ANO3: variants seen among roughly 807,000 people sequenced by gnomAD.
ANO3 encodes the protein anoctamin-3.
ANO3 carries 99 observed loss-of-function variants against 144.8 expected under a neutral mutation model. The observed-to-expected ratio is 0.68, with a 90% CI of 0.58 to 0.81. The LOEUF is 0.81. ANO3 is among the 30% of genes least tolerant of loss of function. ANO3 has a pLI of 0.00. For synonymous variants in ANO3, 414 were observed against 392.6 expected (o/e 1.05, Z -0.64); for missense variants, 905 against 1,202.2 (o/e 0.75, Z 3.66).
chr11:26,661,300 TC>T lies in ANO3; in HGVS notation c.*857del, dbSNP rs1253865918. 6.6e-6 allele frequency: 1 copy of T among 152,586 alleles called. No individual in the cohort carries two copies. Among genetic ancestry groups the T allele is most frequent in the Non-Finnish European group, 1.5e-5 (1 of 68,026 alleles). The allele number at this position is 152,586 out of a possible 1,614,324, so 9.5% of individuals were successfully genotyped here. ...CTGTTTTATAGTTTATTTAATTTTT[TC>T]TCTATGATTTATTACAACTCTCACG... On this transcript the variant is annotated 3_prime_UTR_variant, in exon 27 of 27. Coordinates refer to ENST00000256737, the MANE Select transcript of ANO3 (RefSeq NM_031418.4).
intron 1 of ANO3, among the ~76,000 whole-genome samples, chr11:26,278,134 G>T (rs1190108932): frequency 6.6e-6 from 1 of 152,008 alleles, no homozygotes; most frequent in Non-Finnish European, 1.5e-5. Flanking sequence ...TGCTTCCGGT[G>T]CTATTTATTT....
At chr11:26,561,514 G>A (rs423207) in intron 14 of ANO3, among the ~76,000 whole-genome samples, 111,444 of 151,824 alleles carry the variant, frequency 0.73, 41,169 homozygotes, top group Admixed American at 0.8. Context: ...ATAAAGAAGT[G>A]TAGACCATAC....
At position 26,388,188 on chromosome 11, in the gene ANO3, G is replaced by A. The variant is rs555548325; in HGVS notation, c.47-53730G>A. On this transcript the variant is annotated intron_variant, in intron 1 of 26. Coordinates refer to ENST00000256737, the MANE Select transcript of ANO3 (RefSeq NM_031418.4). ...TTTTGTCCCCAAAATTATATTTATG[G>A]TCTATTATGTCCTATAAACCCAGAA... 1.3e-4 allele frequency among the ~76,000 whole-genome samples: 19 copies of A among 149,042 alleles called. 1 individual carries two copies. The South Asian group carries it at 3.4e-3, about 27-fold the overall frequency.
rs558035003 is a variant in ANO3, at chr11:26,218,274, A to G, written c.154+28944A>G. 3.9e-5 allele frequency among the ~76,000 whole-genome samples: 6 copies of G among 152,230 alleles called. No individual in the cohort carries two copies. The South Asian group carries it at 6.2e-4, about 16-fold the overall frequency. On this transcript the variant is annotated intron_variant, in intron 1 of 27. Coordinates refer to the ANO3 transcript ENST00000672621. ...AATGAAGAATGACCAGAGAAATGACATGGTAGCTGTGCTTAGTAGTATTAA... is the reference window on the plus strand; with the variant it reads ...AATGAAGAATGACCAGAGAAATGACGTGGTAGCTGTGCTTAGTAGTATTAA...
At chr11:26,508,795 C>T (rs958256464) in intron 5 of ANO3, 1 of 150,726 alleles carries the variant, frequency 6.6e-6, no homozygotes, top group African/African-American at 2.4e-5. Flanking sequence ...TAAAAAAAAA[C>T]TCACTATTTT....
At position 26,546,046 on chromosome 11, in the gene ANO3, C is replaced by T. The variant is rs186859494; in HGVS notation, c.1155-1370C>T. ...ATCATACTGATATAGATAATACTGT[C>T]TATATCAGCTGATTTGTCTGTGCAA... On this transcript the variant is annotated intron_variant, in intron 11 of 26. Transcript: ENST00000256737. Among the ~76,000 whole-genome samples, 4 of 151,912 alleles carry T rather than the reference C, an allele frequency of 2.6e-5. No homozygotes were observed. The East Asian group carries it at 5.8e-4, about 22-fold the overall frequency.
intron 14 of ANO3, among the ~76,000 whole-genome samples, chr11:26,577,703 G>A (rs1851026182): frequency 1.3e-5 from 2 of 152,152 alleles, no homozygotes; most frequent in Admixed American, 1.3e-4. Flanking sequence ...CTATGTTAAT[G>A]TGCATGAGTA....
In ANO3 at chr11:26,633,296, G is replaced by T. The variant is rs886655722; in HGVS notation, c.1874-908G>T. 1.2e-4 allele frequency among the ~76,000 whole-genome samples: 19 copies of T among 152,216 alleles called. 1 individual carries two copies. The highest frequency in any genetic ancestry group is 3.4e-3 in the Middle Eastern group (1 of 294). On this transcript the variant is annotated intron_variant, in intron 18 of 26. Coordinates refer to ENST00000256737, the MANE Select transcript of ANO3 (RefSeq NM_031418.4). ...ACCATAAGATGTTAGAGTCGACAGG[G>T]TTTTTAGAAATCATCTTGTCTAAAT...
chr11:26,190,822 G>A (rs2133902206), intron 1 of ANO3, among the ~76,000 whole-genome samples: 1 of 152,220 alleles, frequency 6.6e-6, no homozygotes, highest in Middle Eastern at 3.4e-3. Flanking sequence ...TTGCTATTCT[G>A]GCTATGCCTC....
intron 1 of ANO3, among the ~76,000 whole-genome samples, chr11:26,280,335 G>C (rs972634658): frequency 6.6e-6 from 1 of 152,116 alleles, no homozygotes; most frequent in Non-Finnish European, 1.5e-5. Flanking sequence ...TAATAGGATA[G>C]ATGTATATGT....
At position 26,465,124 on chromosome 11, in the gene ANO3, T is replaced by TTGTGTG. The variant is rs36230269; in HGVS notation, c.432+2008_432+2013dup. On this transcript the variant is annotated intron_variant, in intron 4 of 26. Transcript: ENST00000256737. ...TCTCTTATTATACCCCATCATTAAA[T>TTGTGTG]TGTGTGTGTGTGTGTGTGTGTGTGT... Among the ~76,000 whole-genome samples, 909 of 145,390 alleles carry TTGTGTG rather than the reference T, an allele frequency of 6.3e-3. 4 individuals are homozygous for TTGTGTG. Among genetic ancestry groups the TTGTGTG allele is most frequent in the Middle Eastern group, 0.01 (3 of 286 alleles).
In ANO3 at chr11:26,574,639, A is replaced by G. The variant is rs533956364; in HGVS notation, c.1447+14860A>G. Among the ~76,000 whole-genome samples the G allele has an allele frequency of 9.2e-5, 14 of 152,272 alleles. No homozygotes were observed. The East Asian group carries it at 2.3e-3, about 25-fold the overall frequency. ...TAAAATAGAATTTAACGGCTGGGAA[A>G]TGTATTTGGGGATAACATTTAATTT... is the stretch of plus-strand genomic sequence containing the variant. On this transcript the variant is annotated intron_variant, in intron 14 of 26. Transcript: ENST00000256737.
At chr11:26,578,953 T>G (rs1851060820) in intron 14 of ANO3, among the ~76,000 whole-genome samples, 1 of 152,218 alleles carries the variant, frequency 6.6e-6, no homozygotes, top group African/African-American at 2.4e-5. Flanking sequence ...TGAAGCGTAC[T>G]GTTATAGCAG....
intron 4 of ANO3, among the ~76,000 whole-genome samples, chr11:26,503,712 T>A (rs1280352343): frequency 6.6e-6 from 1 of 152,120 alleles, no homozygotes; most frequent in Admixed American, 6.5e-5. Flanking sequence ...AATTTGGGTA[T>A]AATAGGTTAC....
intron 26 of ANO3, 45 bp downstream of exon 26, chr11:26,656,526 T>C: frequency 8.0e-7 from 1 of 1,250,568 alleles, no homozygotes; most frequent in Non-Finnish European, 1.2e-6. Context: ...TAAATGCTTT[T>C]CTAAATGATT....
intron 1 of ANO3, among the ~76,000 whole-genome samples, chr11:26,248,519 T>C (rs998911085): frequency 1.3e-5 from 2 of 152,170 alleles, no homozygotes; most frequent in African/African-American, 4.8e-5. Context: ...AGAAACTGAA[T>C]TTAAAATGTG....
In ANO3 at chr11:26,547,503, G is replaced by A. The variant is rs778280340; in HGVS notation, c.1242G>A (p.Leu414=). Residue 414 remains leucine, a synonymous_variant, in exon 12 of 27, where the codon TTG becomes TTA. Coordinates refer to ENST00000256737, the MANE Select transcript of ANO3 (RefSeq NM_031418.4). Reference sequence around the variant, plus strand: ...TGATTCCTGCAGCAATTGTTGGTTTGTGCGTTTTCTTCTATGGATTATTTA... The same window carrying A: ...TGATTCCTGCAGCAATTGTTGGTTTATGCGTTTTCTTCTATGGATTATTTA... The part of the protein sequence containing the change: ...GMLIPAAIVG[L]CVFFYGLFTM... 4 of 1,612,108 alleles carry A rather than the reference G, an allele frequency of 2.5e-6. No homozygotes were observed. Among genetic ancestry groups the A allele is most frequent in the East Asian group, 4.5e-5 (2 of 44,792 alleles).
intron 7 of ANO3, among the ~76,000 whole-genome samples, chr11:26,530,474 T>TATCTATC (rs1289523338): frequency 4.3e-4 from 31 of 71,284 alleles, no homozygotes; most frequent in African/African-American, 1.0e-3. Flanking sequence ...TCTATCTATC[T>TATCTATC]ATCTATCTAT....
chr11:26,561,977 G>T (rs975330502), intron 14 of ANO3, among the ~76,000 whole-genome samples: 4 of 151,810 alleles, frequency 2.6e-5, no homozygotes, highest in African/African-American at 9.6e-5. Context: ...TTACAAATTG[G>T]GCTCCCAGGA....
Sources: allele counts gnomAD v4.1 joint callset (sites outside exome capture counted in the v4.1 genomes callset), GRCh38; gene constraint gnomAD v4.1.1; transcripts MANE v1.5; gene names NCBI Gene and HGNC (gene_info 2026-07-23, HGNC 2026-07-21).